Variants in CIROZ observed in about 807,000 individuals in gnomAD.
CIROZ encodes the protein ciliated left-right organizer ZP-N domains-containing protein.
the CIROZ span, among the ~76,000 whole-genome samples, chr1:10,973,039 T>C: frequency 6.6e-6 from 1 of 152,162 alleles, no homozygotes; most frequent in Admixed American, 6.5e-5. Context: ...CTGGTGGCCT[T>C]GGACCATGTG....
the CIROZ span, among the ~76,000 whole-genome samples, chr1:10,979,325 G>T: frequency 6.6e-6 from 1 of 152,044 alleles, no homozygotes; most frequent in African/African-American, 2.4e-5. Context: ...GACTCTTCGG[G>T]CAGCTGAGAC....
chr1:10,947,711 A>G, the CIROZ span: 4 of 1,546,998 alleles, frequency 2.6e-6, no homozygotes, highest in Non-Finnish European at 3.5e-6. Context: ...CTTGAAGCTC[A>G]GGAGGCCTGT....
chr1:10,957,084 G>T, the CIROZ span: 1 of 1,550,220 alleles, frequency 6.5e-7, no homozygotes, highest in Non-Finnish European at 8.7e-7. Context: ...ATAGTGGCAG[G>T]AGCTCAGCAG....
the CIROZ span, among the ~76,000 whole-genome samples, chr1:10,951,343 T>C: frequency 1.3e-5 from 2 of 151,968 alleles, no homozygotes; most frequent in Non-Finnish European, 2.9e-5. Flanking sequence ...GGCGGCTGGA[T>C]CACCTGAGGT....
chr1:10,974,044 G>C, the CIROZ span, among the ~76,000 whole-genome samples: 1 of 152,126 alleles, frequency 6.6e-6, no homozygotes, highest in African/African-American at 2.4e-5. The surrounding 1 kb of genome is among the most constrained non-coding windows in gnomAD (Gnocchi z 4.4). Context: ...AGCTCTTAGG[G>C]GGTTTGGGGC....
the CIROZ span, chr1:10,976,268 G>A: frequency 1.9e-5 from 29 of 1,525,988 alleles, no homozygotes; most frequent in Non-Finnish European, 2.2e-5. Context: ...TGCGGGAGAG[G>A]AGGGAAGGGG....
At chr1:10,948,418 C>A in the CIROZ span, 1 of 1,613,028 alleles carries the variant, frequency 6.2e-7, no homozygotes. Flanking sequence ...GGCTCAGGTG[C>A]AGCCACATCC....
At chr1:10,955,169 A>G in the CIROZ span, 1 of 1,603,310 alleles carries the variant, frequency 6.2e-7, no homozygotes, top group South Asian at 1.1e-5. Flanking sequence ...AAGACCTCCG[A>G]CTCTGGCTGG....
chr1:10,962,900 G>A, the CIROZ span, among the ~76,000 whole-genome samples: 8 of 152,166 alleles, frequency 5.3e-5, no homozygotes, highest in South Asian at 4.1e-4. Flanking sequence ...TGAGAGGATC[G>A]CCTGAAGCCA....
At chr1:10,968,747 G>A in the CIROZ span, among the ~76,000 whole-genome samples, 16 of 152,182 alleles carry the variant, frequency 1.1e-4, no homozygotes, top group African/African-American at 3.6e-4. Flanking sequence ...AAAGCCACAG[G>A]TGTCTCTGAC....
chr1:10,975,661 A>C, the CIROZ span, among the ~76,000 whole-genome samples: 5 of 151,702 alleles, frequency 3.3e-5, no homozygotes, highest in African/African-American at 1.2e-4. Flanking sequence ...AGCCCAGAGT[A>C]AGCGCTCAAC....
At chr1:10,967,973 C>CA in the CIROZ span, among the ~76,000 whole-genome samples, 2 of 151,140 alleles carry the variant, frequency 1.3e-5, no homozygotes, top group African/African-American at 4.9e-5. Context: ...GACTCTGTCT[C>CA]AAAAAAATAA....
the CIROZ span, chr1:10,957,567 G>GC: frequency 6.2e-7 from 1 of 1,605,168 alleles, no homozygotes; most frequent in Non-Finnish European, 8.5e-7. Context: ...TAGGTGCTAT[G>GC]CCCCAGAGGC....
the CIROZ span, among the ~76,000 whole-genome samples, chr1:10,966,977 C>T: frequency 5.3e-5 from 8 of 151,932 alleles, no homozygotes; most frequent in South Asian, 1.7e-3. Flanking sequence ...TGCAAAACCC[C>T]ATCTCTACTA....
chr1:10,974,236 T>C, the CIROZ span, among the ~76,000 whole-genome samples: 21 of 152,060 alleles, frequency 1.4e-4, no homozygotes, highest in African/African-American at 4.3e-4. The surrounding 1 kb of genome is among the most constrained non-coding windows in gnomAD (Gnocchi z 4.4). Flanking sequence ...TAGCTGCCCA[T>C]GGACCAATCA....
At chr1:10,947,841 GC>G in the CIROZ span, 1 of 1,602,076 alleles carries the variant, frequency 6.2e-7, no homozygotes, top group African/African-American at 1.3e-5. Context: ...TCCTGTGGGA[GC>G]CCACAGGCTC....
the CIROZ span, chr1:10,957,835 G>T: frequency 6.9e-7 from 1 of 1,458,846 alleles, no homozygotes; most frequent in Non-Finnish European, 9.3e-7. Flanking sequence ...ACACTTGAAG[G>T]GTCACCTAGG....
At chr1:10,950,376 G>C in the CIROZ span, among the ~76,000 whole-genome samples, 1 of 152,116 alleles carries the variant, frequency 6.6e-6, no homozygotes, top group Non-Finnish European at 1.5e-5. Context: ...ATTTCTGCAA[G>C]GGGCACCTGG....
chr1:10,947,932 C>G, the CIROZ span: 1 of 1,613,800 alleles, frequency 6.2e-7, no homozygotes, highest in Non-Finnish European at 8.5e-7. Context: ...GGGGCTGACT[C>G]CAGGTATCGG....
Sources: gnomAD v4.1 joint callset for allele counts (sites outside exome capture counted in the v4.1 genomes callset) on GRCh38, gnomAD v4.1.1 for gene constraint, Gnocchi (gnomAD v3.1) non-coding constraint, MANE v1.5 for transcripts, NCBI Gene and HGNC (gene_info 2026-07-23, HGNC 2026-07-21) for gene names.